TFEC: variants seen among roughly 807,000 people sequenced by gnomAD.
The protein encoded by TFEC is class E basic helix-loop-helix protein 34.
Under a neutral mutation model 41.6 loss-of-function variants are expected in TFEC, and 31 were observed. The ratio of observed to expected loss-of-function variants is 0.74; its 90% CI spans 0.56 to 1.01. TFEC has a LOEUF of 1.01. TFEC is among the 50% of genes least tolerant of loss of function. TFEC has a pLI of 0.00. For synonymous variants in TFEC, 143 were observed against 140.6 expected (o/e 1.02, Z -0.12); for missense variants, 402 against 404.1 (o/e 0.99, Z 0.04).
intron 3 of TFEC, among the ~76,000 whole-genome samples, chr7:116,095,205 G>A (rs146585576): frequency 4.3e-3 from 658 of 152,216 alleles, no homozygotes; most frequent in African/African-American, 0.015. Flanking sequence ...TAAAACCACT[G>A]AATTTTCAAA....
At chr7:116,104,143 C>T (rs1797665435) in intron 3 of TFEC, among the ~76,000 whole-genome samples, 1 of 152,176 alleles carries the variant, frequency 6.6e-6, no homozygotes. Flanking sequence ...GTCTGATTCT[C>T]TCTGCTTTAT....
chr7:116,048,881 A>AAGCTTCAG (rs927079168), intron 3 of TFEC, among the ~76,000 whole-genome samples: 2 of 152,226 alleles, frequency 1.3e-5, no homozygotes, highest in Admixed American at 1.3e-4. Flanking sequence ...CAGCCAAACT[A>AAGCTTCAG]AGCTTCAGAA....
At chr7:116,031,736 T>C (rs1795788993), upstream of TFEC, among the ~76,000 whole-genome samples, 1 of 152,152 alleles carries the variant, frequency 6.6e-6, no homozygotes, top group Non-Finnish European at 1.5e-5. Context: ...TATGAAAATA[T>C]TTCAGCACTA....
intron 6 of TFEC, 33 bp from the exon 7 acceptor site, chr7:115,942,073 G>A: frequency 6.4e-7 from 1 of 1,572,128 alleles, no homozygotes; most frequent in Middle Eastern, 1.7e-4. Context: ...TTTCACAATT[G>A]TGCATGTCAG....
intron 3 of TFEC, among the ~76,000 whole-genome samples, chr7:116,038,551 T>A (rs1233300397): frequency 6.6e-6 from 1 of 151,978 alleles, no homozygotes; most frequent in African/African-American, 2.4e-5. Flanking sequence ...GTATGAAATT[T>A]CAAAAATCAA....
intron 1 of TFEC, among the ~76,000 whole-genome samples, chr7:116,008,700 G>C (rs1794893557): frequency 6.6e-6 from 1 of 152,062 alleles, no homozygotes; most frequent in South Asian, 2.1e-4. Flanking sequence ...AGCAGTCTGT[G>C]GATATGATAT....
At position 116,102,718 on chromosome 7, in the gene TFEC, C is replaced by A. The variant is rs562865207; in HGVS notation, c.198+7990G>T. ...CTAAGAATAAGCAAGTTTTTCATTT[C>A]ATTTACACTTGTGGCAGCATTCAGA... On this transcript the variant is annotated intron_variant, in intron 3 of 8. Coordinates refer to the TFEC transcript ENST00000484212. Among the ~76,000 whole-genome samples, 69 of 152,246 alleles carry A rather than the reference C, an allele frequency of 4.5e-4. 1 individual carries two copies. The South Asian group carries it at 0.014, about 31-fold the overall frequency.
At chr7:116,025,145 A>G (rs1795540485) in intron 1 of TFEC, among the ~76,000 whole-genome samples, 1 of 152,216 alleles carries the variant, frequency 6.6e-6, no homozygotes, top group East Asian at 1.9e-4. Context: ...TGTGAAGAAA[A>G]GGCAAATTAA....
chr7:116,054,416 G>C (rs1418883560), intron 3 of TFEC, among the ~76,000 whole-genome samples: 1 of 152,158 alleles, frequency 6.6e-6, no homozygotes. Flanking sequence ...AAGGTCTCTG[G>C]AGGAAAAGAG....
At chr7:115,958,978 G>C (rs1165454359) in intron 3 of TFEC, among the ~76,000 whole-genome samples, 2 of 151,706 alleles carry the variant, frequency 1.3e-5, no homozygotes, top group Non-Finnish European at 2.9e-5. Context: ...GCATTCACCT[G>C]TGAAAAAGTT....
At chr7:115,945,038 T>C (rs931826343) in intron 6 of TFEC, among the ~76,000 whole-genome samples, 57 of 150,676 alleles carry the variant, frequency 3.8e-4, no homozygotes, top group African/African-American at 1.4e-3. Context: ...TGATATACTT[T>C]TTATTTTTTA....
At chr7:116,009,196 T>A (rs916755212) in intron 1 of TFEC, among the ~76,000 whole-genome samples, 8 of 152,156 alleles carry the variant, frequency 5.3e-5, no homozygotes, top group Admixed American at 2.0e-4. Flanking sequence ...ATAAATAAAA[T>A]GAATACCAGC....
At chr7:115,987,414 A>G (rs763113370) in intron 1 of TFEC, among the ~76,000 whole-genome samples, 1 of 152,230 alleles carries the variant, frequency 6.6e-6, no homozygotes, top group African/African-American at 2.4e-5. Flanking sequence ...ACATAAAATT[A>G]TCTTGTGAAT....
At chr7:116,069,735 G>A (rs1284207026) in intron 3 of TFEC, among the ~76,000 whole-genome samples, 4 of 151,586 alleles carry the variant, frequency 2.6e-5, no homozygotes, top group Non-Finnish European at 4.4e-5. Context: ...TTTAGTTGAT[G>A]GGGTTCATGG....
intron 1 of TFEC, among the ~76,000 whole-genome samples, chr7:116,130,033 CA>C (rs754836913): frequency 8.6e-4 from 118 of 136,830 alleles, no homozygotes; most frequent in Admixed American, 2.5e-3. Context: ...TTCCTGCCAC[CA>C]AACATGCAAG....
At chr7:115,963,846 G>T (rs1792699910) in intron 3 of TFEC, among the ~76,000 whole-genome samples, 1 of 151,480 alleles carries the variant, frequency 6.6e-6, no homozygotes, top group African/African-American at 2.4e-5. Context: ...TAGTGGTGAT[G>T]GTTATACATT....
At chr7:116,033,786 A>T (rs1028307699), upstream of TFEC, among the ~76,000 whole-genome samples, 2 of 151,994 alleles carry the variant, frequency 1.3e-5, no homozygotes, top group African/African-American at 4.8e-5. Context: ...TCTTTCTCCC[A>T]CCTAAAGGAA....
rs559831779 is a variant in TFEC at position 115,994,151 on chromosome 7, A to G, written c.-72-9638T>C. ...ATGGTGCTGGGAAACCTGGCTAGCC[A>G]TATGTAGAAAGCTGAAACTGGATCC... On this transcript the variant is annotated intron_variant, in intron 1 of 7. Coordinates refer to ENST00000265440, the MANE Select transcript of TFEC (RefSeq NM_012252.4). Among the ~76,000 whole-genome samples, 4 of 152,328 alleles carry G rather than the reference A, an allele frequency of 2.6e-5. No individual in the cohort carries two copies. In the East Asian group the frequency reaches 7.7e-4, roughly 29 times the overall value.
chr7:116,142,608 T>C (rs1798563871), intron 1 of TFEC, among the ~76,000 whole-genome samples: 1 of 152,186 alleles, frequency 6.6e-6, no homozygotes, highest in Admixed American at 6.6e-5. Context: ...GTTAACTTGT[T>C]GAGGGCTCTT....
Sources: gnomAD v4.1 joint callset for allele counts (sites outside exome capture counted in the v4.1 genomes callset) on GRCh38, gnomAD v4.1.1 for gene constraint, MANE v1.5 for transcripts, NCBI Gene and HGNC (gene_info 2026-07-23, HGNC 2026-07-21) for gene names.